The following ARHGEF1 variants were observed in gnomAD, a reference collection of about 807,000 sequenced individuals.
ARHGEF1 encodes 115 kDa guanine nucleotide exchange factor.
A neutral mutation model predicts 119.7 loss-of-function variants in ARHGEF1; 40 were observed. That is an observed-to-expected ratio of 0.33 (90% CI 0.26 to 0.44). The LOEUF (loss-of-function observed/expected upper bound fraction) is 0.44, where lower values mean the gene tolerates loss of function less well. Ranked by LOEUF, ARHGEF1 falls within the 20% of genes least tolerant of loss-of-function variation. ARHGEF1 has a pLI of 1.00. For synonymous variants in ARHGEF1, 494 were observed against 521.0 expected, an observed-to-expected ratio of 0.95 and a Z score of 0.71; for missense variants, 976 against 1,268.3, an observed-to-expected ratio of 0.77 and a Z score of 3.50.
intron 18 of ARHGEF1, among the ~76,000 whole-genome samples, chr19:41,914,966 C>CTG (rs141566156): frequency 0.17 from 14,183 of 82,508 alleles, 3,677 homozygotes; most frequent in African/African-American, 0.68. Flanking sequence ...ATCTCTGTCT[C>CTG]TCCCTCCCTC....
In ARHGEF1 at chr19:41,888,534, C is replaced by G. The variant is rs539970810; in HGVS notation, c.112-218C>G. On this transcript the variant is annotated intron_variant, in intron 3 of 28. Transcript: ENST00000354532. The surrounding 1 kb of genome is among the most constrained non-coding windows in gnomAD (Gnocchi z 5.1). ...ACCCCAATTTCTTCTCTCCTAATTT[C>G]TGTCCTCATCATCCACCATTATAAT... Among the ~76,000 whole-genome samples, 1 of 152,270 alleles carries G rather than the reference C, an allele frequency of 6.6e-6. No homozygotes were observed. Among genetic ancestry groups the G allele is most frequent in the African/African-American group, 2.4e-5 (1 of 41,554 alleles).
chr19:41,913,635 G>C (rs144248457), intron 18 of ARHGEF1, among the ~76,000 whole-genome samples: 373 of 151,242 alleles, frequency 2.5e-3, no homozygotes, highest in African/African-American at 8.5e-3. Context: ...CTGTCACTTG[G>C]ATCTGCCTCC....
intron 1 of ARHGEF1, chr19:41,928,759 G>A (rs2074887986): frequency 2.8e-6 from 1 of 360,520 alleles, no homozygotes; most frequent in Admixed American, 3.4e-5. Flanking sequence ...GGGTGGGGCG[G>A]GGGTGGGTGG....
chr19:41,919,299 C>T (rs541214225), upstream of ARHGEF1, among the ~76,000 whole-genome samples: 45 of 152,276 alleles, frequency 3.0e-4, no homozygotes, highest in Non-Finnish European at 5.3e-4. Context: ...ACACAGACTT[C>T]GGCACAAGTT....
intron 14 of ARHGEF1, among the ~76,000 whole-genome samples, chr19:41,901,115 T>C (rs2074597426): frequency 1.3e-5 from 2 of 151,112 alleles, no homozygotes; most frequent in Non-Finnish European, 2.9e-5. Flanking sequence ...AGAGGGCAAA[T>C]GACTCCACCC....
At position 41,903,989 on chromosome 19, in the gene ARHGEF1, T is replaced by C; in HGVS notation, c.1918-46T>C. On this transcript the variant is annotated intron_variant, in intron 20 of 28. Transcript: ENST00000354532. This position sits in a 1 kb window ranked among gnomAD's most constrained non-coding sequence, Gnocchi z 4.2. ...CCCTTCCCCTCCCCACCAACCCCAA[T>C]CACCCCCTGCCAACCTGCACAAACC... The C allele has an allele frequency of 1.3e-6, 1 of 779,038 alleles. No individual in the cohort carries two copies. The allele number at this position is 779,038 out of a possible 1,614,324, so 48.3% of individuals were successfully genotyped here. A position where few individuals can be genotyped will look rare whatever the true frequency, so the allele number is the denominator to read the frequency against.
At position 41,902,191 on chromosome 19, in the gene ARHGEF1, C is replaced by A. The variant is rs781914937; in HGVS notation, c.1415-83C>A. ...GGATCAGACACAGACACACCTGCAG[C>A]CCTACCCCCACCACACCGCAGCAGG... On this transcript the variant is annotated intron_variant, in intron 15 of 28. Coordinates refer to ENST00000354532, the MANE Select transcript of ARHGEF1 (RefSeq NM_004706.4). This position sits in a 1 kb window ranked among gnomAD's most constrained non-coding sequence, Gnocchi z 6.5. The A allele has an allele frequency of 4.5e-5, 71 of 1,575,202 alleles. No individual in the cohort carries two copies. The highest frequency in any genetic ancestry group is 6.1e-5 in the Non-Finnish European group (70 of 1,149,730).
chr19:41,897,433 G>C (rs2074526334), intron 13 of ARHGEF1: 1 of 876,790 alleles, frequency 1.1e-6, no homozygotes, highest in Non-Finnish European at 1.5e-6. Flanking sequence ...CCTGTGAGGG[G>C]TGGGTGGGGA....
intron 4 of ARHGEF1, chr19:41,890,569 T>G (rs1555846043): frequency 6.6e-6 from 1 of 151,872 alleles, no homozygotes; most frequent in African/African-American, 2.4e-5. Flanking sequence ...TCACCCGACG[T>G]CAGGAGTTCA....
chr19:41,902,936 C>CTT lies in ARHGEF1; in HGVS notation c.1738+47_1738+48dup, dbSNP rs368741474. On this transcript the variant is annotated intron_variant, in intron 18 of 28. Coordinates refer to ENST00000354532, the MANE Select transcript of ARHGEF1 (RefSeq NM_004706.4). The surrounding 1 kb of genome is among the most constrained non-coding windows in gnomAD (Gnocchi z 6.5). ...TGGATCTCTGGGCCTCGGCTCTCCTCTTTTTTTTTTACATTTTTTTTCTCA... is the reference window on the plus strand; with the variant it reads ...TGGATCTCTGGGCCTCGGCTCTCCTCTTTTTTTTTTTTACATTTTTTTTCTCA... 70 of 1,266,314 alleles carry CTT rather than the reference C, an allele frequency of 5.5e-5. No individual in the cohort carries two copies. The highest frequency in any genetic ancestry group is 1.1e-4 in the Admixed American group (4 of 38,052). 78.4% of individuals were successfully genotyped at this position (1,266,314 alleles called of 1,614,324 possible).
chr19:41,912,164 C>A (rs782407082), downstream of ARHGEF1, among the ~76,000 whole-genome samples: 1 of 152,182 alleles, frequency 6.6e-6, no homozygotes, highest in Non-Finnish European at 1.5e-5. Flanking sequence ...CAGATGTGCA[C>A]GTACAAGCAA....
Position 41,907,033 on chromosome 19 carries a change from G to A in ARHGEF1, c.*18-72G>A, listed in dbSNP as rs1436974823. The A allele has an allele frequency of 1.2e-5, 17 of 1,363,154 alleles. No homozygotes were observed. The African/African-American group carries it at 2.2e-4, about 18-fold the overall frequency. The allele number at this position is 1,363,154 out of a possible 1,614,324, so 84.4% of individuals were successfully genotyped here. On this transcript the variant is annotated intron_variant, in intron 28 of 28. Coordinates refer to ENST00000354532, the MANE Select transcript of ARHGEF1 (RefSeq NM_004706.4). ...CTTCTCTCTCTGCTCTCCCTGTCTT[G>A]TCTCTGTGTCTGTCTCTCCCTGTCT...
In ARHGEF1 at chr19:41,892,513, A is replaced by G. The variant is rs149447500; in HGVS notation, c.368-90A>G. The G allele has an allele frequency of 5.6e-3, 8,800 of 1,576,714 alleles. 513 individuals carry two copies. The Admixed American group carries it at 0.12, about 21-fold the overall frequency. On this transcript the variant is annotated intron_variant, in intron 6 of 28. Transcript: ENST00000354532. This position sits in a 1 kb window ranked among gnomAD's most constrained non-coding sequence, Gnocchi z 6.3. ...ATTCCTTCTTGGCAGCGGCCTCAGG[A>G]CGTGTGGCTGTTGGAGTCCAAGGGT...
intron 4 of ARHGEF1, among the ~76,000 whole-genome samples, chr19:41,891,659 C>G (rs1309006198): frequency 1.3e-5 from 2 of 152,136 alleles, no homozygotes; most frequent in African/African-American, 4.8e-5. Context: ...ATGACGGTCC[C>G]TATGATTGAA....
chr19:41,897,140 AC>A, intron 13 of ARHGEF1: 2 of 338,300 alleles, frequency 5.9e-6, no homozygotes, highest in South Asian at 4.2e-5. Flanking sequence ...CCGTCCCTCA[AC>A]CCCCCACCCC....
At position 41,914,653 on chromosome 19, in the gene ARHGEF1, ACCATCTCTGTCTC is replaced by A. The variant is rs2074781207; in HGVS notation, c.1865+7851_1865+7863del. On this transcript the variant is annotated intron_variant, in intron 18 of 20. Coordinates refer to the ARHGEF1 transcript ENST00000599589. ...TGTCTCTGTCTCTCCCTCCCTTTCC[ACCATCTCTGTCTC>A]TCCCTCCCCTTCCACCATCTCTGTC... 1.3e-4 allele frequency among the ~76,000 whole-genome samples: 2 copies of A among 15,912 alleles called. 1 individual carries two copies. The highest frequency in any genetic ancestry group is 1.3e-3 in the Admixed American group (2 of 1,540). 10.4% of individuals were successfully genotyped at this position (15,912 alleles called of 152,430 possible).
chr19:41,894,350 A>G, intron 9 of ARHGEF1, 44 bp downstream of exon 9: 1 of 1,514,458 alleles, frequency 6.6e-7, no homozygotes, highest in East Asian at 2.3e-5. Flanking sequence ...CTCTCCAGAG[A>G]CGCCCTGGGA....
Position 41,905,862 on chromosome 19 carries a change from T to C in ARHGEF1, c.2404+35T>C, listed in dbSNP as rs1159681212. 6.2e-6 allele frequency: 10 copies of C among 1,613,888 alleles called. No individual in the cohort carries two copies. The highest frequency in any genetic ancestry group is 8.5e-6 in the Non-Finnish European group (10 of 1,179,860). On this transcript the variant is annotated intron_variant, in intron 25 of 28. Transcript: ENST00000354532. The surrounding 1 kb of genome is among the most constrained non-coding windows in gnomAD (Gnocchi z 6.4). ...GAGGGATGCTGGGTGAGGGGCCAGG[T>C]TGGGGCTGCCGGGTGAAGAGAGGCA...
downstream of ARHGEF1, among the ~76,000 whole-genome samples, chr19:41,912,434 C>T (rs2074758428): frequency 6.6e-6 from 1 of 152,220 alleles, no homozygotes; most frequent in African/African-American, 2.4e-5. Flanking sequence ...GTCGTGCCTG[C>T]ACGTACCCCT....
Sources: allele counts gnomAD v4.1 joint callset (sites outside exome capture counted in the v4.1 genomes callset), GRCh38; gene constraint gnomAD v4.1.1; non-coding constraint Gnocchi (gnomAD v3.1); transcripts MANE v1.5; gene names NCBI Gene and HGNC (gene_info 2026-07-23, HGNC 2026-07-21).